Variants in CACNB2 observed in about 807,000 individuals in gnomAD.
The protein encoded by CACNB2 is calcium voltage-gated channel auxiliary subunit beta 2, also known as voltage-dependent L-type calcium channel subunit beta-2.
CACNB2 carries 42 observed loss-of-function variants against 73.3 expected under a neutral mutation model. The observed-to-expected ratio is 0.57, with a 90% CI of 0.45 to 0.74. The LOEUF (loss-of-function observed/expected upper bound fraction) is 0.74. CACNB2 is among the 30% of genes least tolerant of loss of function. The pLI is 0.00. For synonymous variants in CACNB2, 348 were observed against 310.3 expected (o/e 1.12, Z -1.28); for missense variants, 940 against 853.0 (o/e 1.10, Z -1.27).
rs973134359 is a variant in CACNB2 at position 18,489,553 on chromosome 10, A to G, written c.334-8802A>G. ...AGCCTCCTGAATAGCTGAGACTACA[A>G]GCGTGTGCCACAGTGAATGGCTGGG... On this transcript the variant is annotated intron_variant, in intron 3 of 13. Coordinates refer to ENST00000324631, the MANE Select transcript of CACNB2 (RefSeq NM_201596.3). Among the ~76,000 whole-genome samples the G allele has an allele frequency of 2.6e-5, 4 of 152,008 alleles. No individual in the cohort carries two copies. In the South Asian group the frequency reaches 6.2e-4, roughly 24 times the overall value.
chr10:18,189,250 T>C (rs187762046), intron 2 of CACNB2, among the ~76,000 whole-genome samples: 102 of 152,318 alleles, frequency 6.7e-4, no homozygotes, highest in Admixed American at 1.2e-3. Flanking sequence ...AAACGAGAAT[T>C]TAATGCTCAT....
chr10:18,479,237 A>G (rs770888707), intron 3 of CACNB2, among the ~76,000 whole-genome samples: 4 of 152,118 alleles, frequency 2.6e-5, no homozygotes, highest in Non-Finnish European at 5.9e-5. Flanking sequence ...GTATATGTAT[A>G]TATCTTTTTA....
intron 5 of CACNB2, among the ~76,000 whole-genome samples, chr10:18,501,714 A>G (rs897584516): frequency 2.0e-5 from 3 of 152,206 alleles, no homozygotes; most frequent in South Asian, 2.1e-4. Context: ...TCTTTTCTCC[A>G]TCTTACATCT....
chr10:18,454,603 G>A (rs2047180482), intron 3 of CACNB2, among the ~76,000 whole-genome samples: 1 of 152,186 alleles, frequency 6.6e-6, no homozygotes, highest in South Asian at 2.1e-4. Context: ...TCAATCATAG[G>A]ACCAAGTTTT....
chr10:18,477,710 A>AT (rs2048508677), intron 3 of CACNB2, among the ~76,000 whole-genome samples: 1 of 152,180 alleles, frequency 6.6e-6, no homozygotes, highest in Non-Finnish European at 1.5e-5. Context: ...TAATTCACAT[A>AT]ATGCAGGAGG....
rs544127253 is a variant in CACNB2 at position 18,182,348 on chromosome 10, A to G, written c.213+31373A>G. Among the ~76,000 whole-genome samples the G allele has an allele frequency of 2.7e-4, 41 of 151,898 alleles. 2 individuals carry two copies. The South Asian group carries it at 5.8e-3, about 22-fold the overall frequency. On this transcript the variant is annotated intron_variant, in intron 2 of 13. Transcript: ENST00000324631. The stretch of plus-strand genomic sequence containing the variant: ...TCAAAAAAAAATTTTTTTTTGAAAT[A>G]AGGTAGAAGGGGTAAAAATGTAAAA...
intron 2 of CACNB2, chr10:18,261,995 C>T (rs756957813): frequency 3.9e-6 from 2 of 518,900 alleles, no homozygotes; most frequent in East Asian, 5.4e-5. Context: ...CGACCAGCTC[C>T]GAGCAAGCGC....
intron 2 of CACNB2, among the ~76,000 whole-genome samples, chr10:18,224,498 T>G (rs759930168): frequency 2.6e-5 from 4 of 152,164 alleles, no homozygotes; most frequent in Non-Finnish European, 5.9e-5. Flanking sequence ...CTTTATACTT[T>G]CCAAAGAATT....
chr10:18,539,829 C>CTGTCT lies in CACNB2; in HGVS notation c.*109_*113dup, dbSNP rs1456096535. 46 of 1,153,132 alleles carry CTGTCT rather than the reference C, an allele frequency of 4.0e-5. No individual in the cohort carries two copies. Among genetic ancestry groups the CTGTCT allele is most frequent in the Middle Eastern group, 4.2e-4 (2 of 4,754 alleles). 71.4% of individuals were successfully genotyped at this position (1,153,132 alleles called of 1,614,324 possible). A position where few individuals can be genotyped will look rare whatever the true frequency, so the allele number is the denominator to read the frequency against. On this transcript the variant is annotated 3_prime_UTR_variant, in exon 14 of 14. Transcript: ENST00000324631. Reference sequence around the variant, plus strand: ...GGTCTACACTGCAATCATATGTGATCTGTCTTGTAATATTTTGTATTATTG... The same window carrying CTGTCT: ...GGTCTACACTGCAATCATATGTGATCTGTCTTGTCTTGTAATATTTTGTATTATTG...
At chr10:18,265,989 T>C (rs1410697836) in intron 2 of CACNB2, among the ~76,000 whole-genome samples, 2 of 152,174 alleles carry the variant, frequency 1.3e-5, no homozygotes, top group Non-Finnish European at 2.9e-5. Flanking sequence ...ATCCACACTT[T>C]CCATAGTGTG....
intron 3 of CACNB2, among the ~76,000 whole-genome samples, chr10:18,442,330 T>C (rs2046449233): frequency 6.6e-6 from 1 of 151,804 alleles, no homozygotes. Context: ...TTTGTATTTT[T>C]AGTAGAGATG....
At chr10:18,502,689 CAAAAAAAAAAAAAAAAAAAAAAAA>C (rs71200974) in intron 5 of CACNB2, among the ~76,000 whole-genome samples, 1 of 73,256 alleles carries the variant, frequency 1.4e-5, no homozygotes, top group Non-Finnish European at 2.3e-5. Context: ...GACTCCATCT[CAAAAAAAAAAAAAAAAAAAAAAAA>C]AAAAAAAAAA....
At chr10:18,364,306 T>C (rs1421194830) in intron 2 of CACNB2, among the ~76,000 whole-genome samples, 1 of 151,814 alleles carries the variant, frequency 6.6e-6, no homozygotes, top group Non-Finnish European at 1.5e-5. Context: ...ACTAATTTTT[T>C]TTTTTTTTCT....
intron 2 of CACNB2, among the ~76,000 whole-genome samples, chr10:18,366,365 T>C (rs2042349636): frequency 6.7e-6 from 1 of 150,332 alleles, no homozygotes; most frequent in Non-Finnish European, 1.5e-5. Context: ...CTCAGGAGGC[T>C]GAGGCAGGAG....
chr10:18,391,879 G>T (rs1425703083), intron 2 of CACNB2, among the ~76,000 whole-genome samples: 1 of 124,924 alleles, frequency 8.0e-6, no homozygotes, highest in Non-Finnish European at 1.6e-5. Flanking sequence ...AGTGAGCCAA[G>T]ATTGTGCCAC....
chr10:18,273,053 G>A (rs939918770), intron 2 of CACNB2, among the ~76,000 whole-genome samples: 1 of 152,120 alleles, frequency 6.6e-6, no homozygotes, highest in Non-Finnish European at 1.5e-5. Flanking sequence ...TTTTTTGAGG[G>A]CTACTGGCCA....
intron 2 of CACNB2, among the ~76,000 whole-genome samples, chr10:18,284,109 G>A (rs2038682524): frequency 6.6e-6 from 1 of 152,164 alleles, no homozygotes; most frequent in African/African-American, 2.4e-5. Context: ...GAAAGAGGTT[G>A]TTTAACTGAC....
chr10:18,487,145 C>T (rs2049107099), intron 3 of CACNB2, among the ~76,000 whole-genome samples: 3 of 152,142 alleles, frequency 2.0e-5, no homozygotes, highest in Admixed American at 2.0e-4. Flanking sequence ...CCTAATCTTT[C>T]ATGCAGATGG....
Position 18,157,325 on chromosome 10 carries a change from G to C in CACNB2, c.213+6350G>C, listed in dbSNP as rs374009336. On this transcript the variant is annotated intron_variant, in intron 2 of 13. Transcript: ENST00000324631. Reference sequence around the variant, plus strand: ...TGAATTCTGGCTTTGCTATTTATTAGTTGGCCTTTGGACAAGTAACTGAAT... The same window carrying C: ...TGAATTCTGGCTTTGCTATTTATTACTTGGCCTTTGGACAAGTAACTGAAT... Among the ~76,000 whole-genome samples, 14 of 152,258 alleles carry C rather than the reference G, an allele frequency of 9.2e-5. No individual in the cohort carries two copies. In the East Asian group the frequency reaches 2.7e-3, roughly 29 times the overall value.
Sources: gnomAD v4.1 joint callset for allele counts (sites outside exome capture counted in the v4.1 genomes callset) on GRCh38, gnomAD v4.1.1 for gene constraint, MANE v1.5 for transcripts, NCBI Gene and HGNC (gene_info 2026-07-23, HGNC 2026-07-21) for gene names.